The following CABIN1 variants were observed in gnomAD, a reference collection of about 807,000 sequenced individuals.
The protein encoded by CABIN1 is calcineurin-binding protein cabin-1.
CABIN1 carries 133 observed loss-of-function variants against 227.7 expected under a neutral mutation model. That is an observed-to-expected ratio of 0.58 (90% CI 0.51 to 0.67). The LOEUF (loss-of-function observed/expected upper bound fraction) is 0.67. Among genes scored for constraint, CABIN1 ranks in the 30% least tolerant of loss-of-function variants. The pLI is 0.00. For synonymous variants in CABIN1, 1,086 were observed against 1,155.1 expected, an observed-to-expected ratio of 0.94 and a Z score of 1.21; for missense variants, 2,408 against 2,852.5, an observed-to-expected ratio of 0.84 and a Z score of 3.55.
chr22:24,147,622 T>G (rs936144673), intron 29 of CABIN1, among the ~76,000 whole-genome samples: 1 of 151,610 alleles, frequency 6.6e-6, no homozygotes, highest in Admixed American at 6.6e-5. Flanking sequence ...CGCACATCTT[T>G]TTTTGAGGGA....
chr22:24,150,151 C>T (rs887226124), intron 29 of CABIN1, among the ~76,000 whole-genome samples: 9 of 152,358 alleles, frequency 5.9e-5, no homozygotes, highest in African/African-American at 2.2e-4. Context: ...AGGGCTCCAA[C>T]TGCTGGGAGC....
intron 1 of CABIN1, among the ~76,000 whole-genome samples, chr22:24,025,853 A>T: frequency 6.6e-6 from 1 of 151,836 alleles, no homozygotes; most frequent in East Asian, 1.9e-4. Flanking sequence ...TATTTTTTTG[A>T]GACAGGCTTT....
At chr22:24,030,893 A>G (rs2036445385) in intron 1 of CABIN1, among the ~76,000 whole-genome samples, 1 of 152,174 alleles carries the variant, frequency 6.6e-6, no homozygotes, top group Non-Finnish European at 1.5e-5. Flanking sequence ...TGCACCTACC[A>G]TAGTCCTGGA....
chr22:24,085,068 C>T lies in CABIN1; in HGVS notation c.3180C>T (p.Leu1060=), dbSNP rs2041063435. The change falls in exon 22 of 37, where the codon CTC becomes CTT. Residue 1060 remains leucine (L), a synonymous_variant. Transcript: ENST00000263119. ...SPPVVNELYY[L]LADYHFKNKE... ...CAGTGGTGAACGAGCTTTACTACCT[C>T]CTGGCTGATTATCATTTCAAAAACA... The T allele has an allele frequency of 1.9e-6, 3 of 1,614,120 alleles. No individual in the cohort carries two copies. The highest frequency in any genetic ancestry group is 2.5e-6 in the Non-Finnish European group (3 of 1,180,056).
chr22:24,063,081 G>A lies in CABIN1; in HGVS notation c.1819G>A (p.Glu607Lys), dbSNP rs756186079. 19 of 1,614,072 alleles carry A rather than the reference G, an allele frequency of 1.2e-5. No individual in the cohort carries two copies. The highest frequency in any genetic ancestry group is 7.7e-5 in the South Asian group (7 of 91,086). The change falls in exon 14 of 37, where the codon GAG becomes AAG. Residue 607 changes from glutamate (E) to lysine (K), a missense_variant. Physicochemically the swap from Glu to Lys is moderately conservative, Grantham distance 56. Coordinates refer to ENST00000263119, the MANE Select transcript of CABIN1 (RefSeq NM_012295.4). ...TGCCTCGTCCCAGCGCGACCTGTTC[G>A]AGGATGGTTGGCTGGAGTTTGTGGT... Reference protein sequence around the residue: ...SFASSQRDLFEDGWLEFVVRV... With the variant: ...SFASSQRDLFKDGWLEFVVRV...
chr22:24,055,899 C>G (rs766484238), intron 9 of CABIN1, among the ~76,000 whole-genome samples: 6 of 152,172 alleles, frequency 3.9e-5, no homozygotes, highest in Non-Finnish European at 7.4e-5. Context: ...CGAAGTTCAG[C>G]CGACCAGTGA....
chr22:24,016,021 C>T (rs948921658), intron 1 of CABIN1, among the ~76,000 whole-genome samples: 3 of 152,050 alleles, frequency 2.0e-5, no homozygotes, highest in Admixed American at 6.5e-5. Flanking sequence ...TACAATTGAC[C>T]GATTTAAGTA....
intron 27 of CABIN1, among the ~76,000 whole-genome samples, chr22:24,118,564 G>A (rs911516226): frequency 2.0e-5 from 3 of 152,152 alleles, no homozygotes; most frequent in Non-Finnish European, 4.4e-5. Flanking sequence ...TGTGCAGGGC[G>A]TGCCGTGCTC....
At chr22:24,056,090 A>T in intron 9 of CABIN1, 102 bp from the exon 10 acceptor site, 2 of 1,001,748 alleles carry the variant, frequency 2.0e-6, no homozygotes, top group Non-Finnish European at 3.1e-6. Flanking sequence ...CAAAGAGTTT[A>T]ATGCTAGTAG....
At chr22:24,116,406 C>T (rs2043089082) in intron 27 of CABIN1, among the ~76,000 whole-genome samples, 1 of 152,190 alleles carries the variant, frequency 6.6e-6, no homozygotes, top group Non-Finnish European at 1.5e-5. Context: ...TCTGCCCCTT[C>T]CTGGTCAACT....
chr22:24,156,053 C>A (rs1242538349), intron 29 of CABIN1: 1 of 449,548 alleles, frequency 2.2e-6, no homozygotes, highest in South Asian at 4.1e-5. Context: ...CTCCACTGCA[C>A]AGATGCCACG....
chr22:24,081,769 G>A (rs574616796), intron 19 of CABIN1, among the ~76,000 whole-genome samples: 16 of 151,772 alleles, frequency 1.1e-4, no homozygotes, highest in African/African-American at 3.6e-4. Flanking sequence ...GCTCACGCCT[G>A]TAATCCCAGC....
intron 27 of CABIN1, among the ~76,000 whole-genome samples, chr22:24,115,611 G>A (rs1335588509): frequency 2.6e-5 from 4 of 152,176 alleles, no homozygotes; most frequent in Admixed American, 2.6e-4. Flanking sequence ...TGGGAGCAGA[G>A]CACTCATCCA....
At chr22:24,076,407 C>CTTT (rs1199447347) in intron 19 of CABIN1, 123 bp downstream of exon 19, 2 of 750,116 alleles carry the variant, frequency 2.7e-6, no homozygotes, top group African/African-American at 3.4e-5. Context: ...CTCAGTGGGC[C>CTTT]CACTGTGTGT....
intron 4 of CABIN1, 100 bp from the exon 5 acceptor site, chr22:24,041,039 A>G: frequency 7.0e-7 from 1 of 1,422,240 alleles, no homozygotes; most frequent in Non-Finnish European, 9.9e-7. Context: ...GACTGGCTCA[A>G]GGGCCTGCAG....
At chr22:24,113,917 T>G (rs1202896857) in intron 27 of CABIN1, among the ~76,000 whole-genome samples, 169 bp downstream of exon 27, 3 of 151,782 alleles carry the variant, frequency 2.0e-5, no homozygotes, top group Admixed American at 2.0e-4. Flanking sequence ...CGCCCTGGGG[T>G]TGTGAGGGTT....
intron 15 of CABIN1, among the ~76,000 whole-genome samples, chr22:24,064,894 G>T (rs1350822449): frequency 6.6e-6 from 1 of 151,986 alleles, no homozygotes; most frequent in African/African-American, 2.4e-5. Flanking sequence ...AGAACAAAAT[G>T]AAAAGTCTCC....
In CABIN1 at chr22:24,043,307, C is replaced by CTTTTTTT. The variant is rs745547509; in HGVS notation, c.526+240_526+246dup. Reference sequence around the variant, plus strand: ...GTAGCATGTTTTCTGAATGATTTTACTTTTTTTTTTTTTTTTTTTTTTTGC... The same window carrying CTTTTTTT: ...GTAGCATGTTTTCTGAATGATTTTACTTTTTTTTTTTTTTTTTTTTTTTTTTTTTTGC... On this transcript the variant is annotated intron_variant, in intron 6 of 36. Coordinates refer to ENST00000263119, the MANE Select transcript of CABIN1 (RefSeq NM_012295.4). Among the ~76,000 whole-genome samples, 341 of 70,996 alleles carry CTTTTTTT rather than the reference C, an allele frequency of 4.8e-3. 1 individual carries two copies. Among genetic ancestry groups the CTTTTTTT allele is most frequent in the Non-Finnish European group, 5.7e-3 (210 of 36,722 alleles). 46.6% of individuals were successfully genotyped at this position (70,996 alleles called of 152,430 possible).
intron 28 of CABIN1, among the ~76,000 whole-genome samples, chr22:24,124,256 C>G (rs1234906704): frequency 1.3e-5 from 2 of 152,236 alleles, no homozygotes; most frequent in Non-Finnish European, 1.5e-5. Flanking sequence ...CCAACATACC[C>G]TGCACTGCCC....
Sources: allele counts gnomAD v4.1 joint callset (sites outside exome capture counted in the v4.1 genomes callset), GRCh38; gene constraint gnomAD v4.1.1; transcripts MANE v1.5; gene names NCBI Gene and HGNC (gene_info 2026-07-23, HGNC 2026-07-21).